The following TMEM266 variants were observed in gnomAD, a reference collection of about 807,000 sequenced individuals.
The protein encoded by TMEM266 is Hv1 related protein 1.
A neutral mutation model predicts 50.5 loss-of-function variants in TMEM266; 33 were observed. The ratio of observed to expected loss-of-function variants is 0.65; its 90% CI spans 0.50 to 0.87. The LOEUF is 0.87. Among genes scored for constraint, TMEM266 ranks in the 40% least tolerant of loss-of-function variants. The pLI is 0.00. For missense variants in TMEM266, 655 were observed against 695.1 expected (o/e 0.94, Z 0.65); for synonymous variants, 310 against 292.3 (o/e 1.06, Z -0.62).
At chr15:76,122,844 G>T (rs1320321205) in intron 1 of TMEM266, among the ~76,000 whole-genome samples, 7 of 152,140 alleles carry the variant, frequency 4.6e-5, no homozygotes, top group African/African-American at 1.7e-4. Flanking sequence ...GTCTCAGTGG[G>T]GTCACTTACA....
chr15:76,080,492 GC>G (rs2036674841), intron 1 of TMEM266, among the ~76,000 whole-genome samples: 2 of 151,096 alleles, frequency 1.3e-5, no homozygotes, highest in South Asian at 4.2e-4. Flanking sequence ...CTTGTGATCC[GC>G]CCGCCTTAGC....
intron 9 of TMEM266, among the ~76,000 whole-genome samples, chr15:76,193,202 G>C (rs1404017498): frequency 6.6e-6 from 1 of 151,932 alleles, no homozygotes; most frequent in Non-Finnish European, 1.5e-5. Context: ...GTAAGGCACT[G>C]CAACACTGCA....
At chr15:76,077,176 G>GCT (rs1311022767) in intron 1 of TMEM266, among the ~76,000 whole-genome samples, 1 of 151,988 alleles carries the variant, frequency 6.6e-6, no homozygotes. Flanking sequence ...TGTTGCCCAG[G>GCT]CTGGTCTCGA....
intron 1 of TMEM266, among the ~76,000 whole-genome samples, chr15:76,080,498 C>G (rs2036675067): frequency 6.6e-6 from 1 of 151,712 alleles, no homozygotes; most frequent in East Asian, 2.0e-4. Context: ...ATCCGCCCGC[C>G]TTAGCCTCCC....
intron 9 of TMEM266, among the ~76,000 whole-genome samples, chr15:76,192,948 C>T (rs1312739701): frequency 6.6e-6 from 1 of 152,186 alleles, no homozygotes; most frequent in Non-Finnish European, 1.5e-5. Context: ...GGACCCAAAA[C>T]CCCAGCTTCA....
At chr15:76,197,076 T>C (rs2038667816) in intron 9 of TMEM266, among the ~76,000 whole-genome samples, 1 of 152,170 alleles carries the variant, frequency 6.6e-6, no homozygotes, top group Non-Finnish European at 1.5e-5. Context: ...CAGGGGTGCA[T>C]GCGGCCAGCC....
chr15:76,162,986 C>T (rs1037804894), intron 5 of TMEM266, among the ~76,000 whole-genome samples: 6 of 152,356 alleles, frequency 3.9e-5, no homozygotes, highest in Admixed American at 1.3e-4. Flanking sequence ...CACCGGGGCT[C>T]CTGCTGTCCT....
At chr15:76,142,127 G>A (rs1319183579) in intron 3 of TMEM266, among the ~76,000 whole-genome samples, 2 of 152,162 alleles carry the variant, frequency 1.3e-5, no homozygotes, top group East Asian at 1.9e-4. Context: ...AGTGGCTCAC[G>A]CCTGTAATCC....
chr15:76,075,560 C>T (rs2036592770), intron 1 of TMEM266, among the ~76,000 whole-genome samples: 1 of 152,056 alleles, frequency 6.6e-6, no homozygotes, highest in Non-Finnish European at 1.5e-5. Flanking sequence ...GTTGGGGACC[C>T]CTCAATCAGG....
chr15:76,170,874 T>A, intron 6 of TMEM266, 119 bp from the exon 7 acceptor site: 1 of 1,306,090 alleles, frequency 7.7e-7, no homozygotes, highest in Non-Finnish European at 1.0e-6. Context: ...TGGGGTGGCC[T>A]TCTGGTGGGG....
chr15:76,166,508 G>A (rs536616970), intron 5 of TMEM266, among the ~76,000 whole-genome samples: 25 of 152,336 alleles, frequency 1.6e-4, no homozygotes, highest in African/African-American at 5.8e-4. Flanking sequence ...GATTCTAGCT[G>A]TTTCACCTGC....
chr15:76,089,700 TTGAA>T (rs2036823687), intron 1 of TMEM266, among the ~76,000 whole-genome samples: 1 of 152,110 alleles, frequency 6.6e-6, no homozygotes, highest in Non-Finnish European at 1.5e-5. Flanking sequence ...TGATCACTAA[TTGAA>T]TGAAGGATGT....
chr15:76,146,568 T>C (rs2037760163), intron 3 of TMEM266, among the ~76,000 whole-genome samples: 1 of 152,006 alleles, frequency 6.6e-6, no homozygotes. Flanking sequence ...AAAAACATAA[T>C]GGGGGCACAG....
intron 3 of TMEM266, among the ~76,000 whole-genome samples, chr15:76,156,139 T>A (rs568635485): frequency 6.6e-6 from 1 of 152,286 alleles, no homozygotes; most frequent in African/African-American, 2.4e-5. Flanking sequence ...GGTGGGCAGA[T>A]CACCTGAGGT....
At chr15:76,171,402 G>T (rs553907418) in intron 7 of TMEM266, among the ~76,000 whole-genome samples, 1 of 152,204 alleles carries the variant, frequency 6.6e-6, no homozygotes, top group Non-Finnish European at 1.5e-5. Flanking sequence ...GTGAGCCTGG[G>T]GGGGCCAGCC....
At chr15:76,138,987 T>G (rs2955738) in intron 3 of TMEM266, among the ~76,000 whole-genome samples, 16,813 of 152,154 alleles carry the variant, frequency 0.11, 2,631 homozygotes, top group African/African-American at 0.35. Context: ...ACACAGCAGA[T>G]CAGACTTCCG....
chr15:76,082,147 A>G (rs1596091151), intron 1 of TMEM266, among the ~76,000 whole-genome samples: 1 of 152,220 alleles, frequency 6.6e-6, no homozygotes, highest in African/African-American at 2.4e-5. Context: ...AGCCTGCTCA[A>G]AATACATATA....
intron 8 of TMEM266, among the ~76,000 whole-genome samples, chr15:76,184,125 G>T (rs73446488): frequency 0.12 from 17,777 of 152,256 alleles, 1,175 homozygotes; most frequent in South Asian, 0.16. Flanking sequence ...CTGGCTCCAG[G>T]GACGGGGCTT....
intron 1 of TMEM266, among the ~76,000 whole-genome samples, chr15:76,125,737 A>T (rs1225553247): frequency 6.6e-6 from 1 of 151,464 alleles, no homozygotes; most frequent in Non-Finnish European, 1.5e-5. Context: ...AATCCCAGCT[A>T]CCCGGGAGGC....
Sources: allele counts gnomAD v4.1 joint callset (sites outside exome capture counted in the v4.1 genomes callset), GRCh38; gene constraint gnomAD v4.1.1; transcripts MANE v1.5; gene names NCBI Gene and HGNC (gene_info 2026-07-23, HGNC 2026-07-21).